TNRC6C: variants seen among roughly 807,000 people sequenced by gnomAD.
The protein encoded by TNRC6C is trinucleotide repeat containing adaptor 6C.
Under a neutral mutation model 153.7 loss-of-function variants are expected in TNRC6C, and 20 were observed. That is an observed-to-expected ratio of 0.13 (90% CI 0.09 to 0.19). The LOEUF (loss-of-function observed/expected upper bound fraction) is 0.19. TNRC6C is among the 10% of genes least tolerant of loss of function. The probability of loss-of-function intolerance (pLI) is 1.00; values close to 1 mark genes in which losing one functional copy is unlikely to be tolerated. For synonymous variants in TNRC6C, 811 were observed against 841.4 expected, an observed-to-expected ratio of 0.96 and a Z score of 0.63; for missense variants, 1,987 against 2,172.0, an observed-to-expected ratio of 0.91 and a Z score of 1.69.
At chr17:77,996,349 G>A (rs896514513) in intron 1 of TNRC6C, among the ~76,000 whole-genome samples, 5 of 152,164 alleles carry the variant, frequency 3.3e-5, no homozygotes, top group East Asian at 3.9e-4. Context: ...GGAAGGAAGT[G>A]AGGTAGATGA....
At chr17:78,064,475 T>C (rs959972151) in intron 3 of TNRC6C, among the ~76,000 whole-genome samples, 3 of 152,048 alleles carry the variant, frequency 2.0e-5, no homozygotes, top group African/African-American at 7.2e-5. Flanking sequence ...GCCCAGGAGT[T>C]GAGGGCAGCC....
At chr17:78,002,380 A>G (rs118131105), upstream of TNRC6C, among the ~76,000 whole-genome samples, 3 of 152,344 alleles carry the variant, frequency 2.0e-5, no homozygotes, top group Non-Finnish European at 2.9e-5. Flanking sequence ...AATCTCATTT[A>G]AAGCCAGGAC....
chr17:78,082,414 G>C (rs536144595), intron 10 of TNRC6C, among the ~76,000 whole-genome samples: 2 of 152,122 alleles, frequency 1.3e-5, no homozygotes, highest in Admixed American at 6.5e-5. Flanking sequence ...TGCATCAGCA[G>C]TTTCTAACAG....
chr17:78,054,819 CTACTG>C (rs1160404283), intron 3 of TNRC6C, among the ~76,000 whole-genome samples: 18 of 152,080 alleles, frequency 1.2e-4, no homozygotes, highest in Non-Finnish European at 2.5e-4. Context: ...CCACTGCAGA[CTACTG>C]TACGCTACCA....
chr17:78,086,974 C>T, exon 13 of TNRC6C: 1 of 1,613,864 alleles, frequency 6.2e-7, no homozygotes, highest in Non-Finnish European at 8.5e-7. Context: ...TCTCTGCACC[C>T]CTCTGCAGGC....
At chr17:78,094,564 G>A (rs766250362) in intron 16 of TNRC6C, among the ~76,000 whole-genome samples, 2 of 151,398 alleles carry the variant, frequency 1.3e-5, no homozygotes, top group African/African-American at 2.4e-5. Flanking sequence ...TCAGCCTCCC[G>A]ATTAGCTGGG....
At chr17:78,053,808 G>C (rs747110193) in intron 3 of TNRC6C, among the ~76,000 whole-genome samples, 23 of 152,074 alleles carry the variant, frequency 1.5e-4, no homozygotes, top group Non-Finnish European at 2.6e-4. Context: ...GAGGTGGAAG[G>C]ATGGCTTGAG....
At chr17:78,003,573 A>G (rs1292766355), upstream of TNRC6C, among the ~76,000 whole-genome samples, 1 of 152,174 alleles carries the variant, frequency 6.6e-6, no homozygotes, top group East Asian at 1.9e-4. Context: ...TAGAAAACAT[A>G]AGAGAAACAA....
At chr17:78,059,830 A>G (rs1374306761) in intron 3 of TNRC6C, among the ~76,000 whole-genome samples, 2 of 150,908 alleles carry the variant, frequency 1.3e-5, no homozygotes, top group Non-Finnish European at 3.0e-5. Flanking sequence ...ATCCTGGACA[A>G]CAGGAGACCC....
intron 1 of TNRC6C, among the ~76,000 whole-genome samples, chr17:77,964,579 C>T (rs2070883553): frequency 6.6e-6 from 1 of 152,118 alleles, no homozygotes; most frequent in Non-Finnish European, 1.5e-5. Flanking sequence ...CTTTTTTATT[C>T]CCAAAGATCA....
chr17:78,070,728 T>C (rs1406876457), intron 5 of TNRC6C, among the ~76,000 whole-genome samples: 1 of 152,204 alleles, frequency 6.6e-6, no homozygotes, highest in African/African-American at 2.4e-5. Flanking sequence ...AAAAGTGTAA[T>C]TTTTAGTAAA....
intron 2 of TNRC6C, among the ~76,000 whole-genome samples, chr17:78,048,099 G>A (rs1179417334): frequency 6.6e-6 from 1 of 152,092 alleles, no homozygotes; most frequent in African/African-American, 2.4e-5. Flanking sequence ...CACTTGTGGG[G>A]CTGAGATTCT....
intron 13 of TNRC6C, among the ~76,000 whole-genome samples, chr17:78,088,136 C>T (rs2073330159): frequency 6.6e-6 from 1 of 152,110 alleles, no homozygotes; most frequent in African/African-American, 2.4e-5. Flanking sequence ...CTGAAAAGAG[C>T]GGTATATTGT....
intron 7 of TNRC6C, among the ~76,000 whole-genome samples, chr17:78,074,620 T>C (rs539253362): frequency 6.6e-6 from 1 of 152,180 alleles, no homozygotes; most frequent in African/African-American, 2.4e-5. Flanking sequence ...TGCACAGTAT[T>C]GTATCCCCCA....
intron 13 of TNRC6C, among the ~76,000 whole-genome samples, chr17:78,088,614 T>C (rs1396580747): frequency 1.3e-5 from 2 of 152,004 alleles, no homozygotes; most frequent in Admixed American, 6.6e-5. Context: ...TTCTCTTTTT[T>C]CTTTTTTTTT....
At chr17:78,091,888 C>G (rs1314124393) in intron 14 of TNRC6C, among the ~76,000 whole-genome samples, 11 of 152,108 alleles carry the variant, frequency 7.2e-5, no homozygotes, top group Non-Finnish European at 1.6e-4. Context: ...TTTTATGTAT[C>G]TATATTCATC....
At chr17:78,040,995 G>A (rs1179356228) in intron 2 of TNRC6C, 2 of 152,050 alleles carry the variant, frequency 1.3e-5, no homozygotes, top group African/African-American at 2.4e-5. Flanking sequence ...TACAGGAGGC[G>A]GCTCTCGCTG....
At position 78,049,509 on chromosome 17, in the gene TNRC6C, T is replaced by C. The variant is rs1433869334; in HGVS notation, c.447T>C (p.Gly149=). 5.6e-6 allele frequency: 9 copies of C among 1,613,838 alleles called. No homozygotes were observed. The highest frequency in any genetic ancestry group is 7.6e-6 in the Non-Finnish European group (9 of 1,179,894). Residue 149 remains glycine (G), a synonymous_variant, in exon 3 of 20, where the codon GGT becomes GGC. Coordinates refer to ENST00000301624, the Ensembl canonical transcript of TNRC6C. This position sits in a 1 kb window ranked among gnomAD's most constrained non-coding sequence, Gnocchi z 4.1. ...ACGGGAACCCAACAGGCACTTTAGGTGCTTGGGGAAACTTGCTGCCACAAG... is the reference window on the plus strand; with the variant it reads ...ACGGGAACCCAACAGGCACTTTAGGCGCTTGGGGAAACTTGCTGCCACAAG...
At chr17:78,031,106 TA>T (rs907737702) in intron 1 of TNRC6C, among the ~76,000 whole-genome samples, 99 of 144,750 alleles carry the variant, frequency 6.8e-4, no homozygotes, top group Admixed American at 1.7e-3. Flanking sequence ...GTCTCACACT[TA>T]AAAAAAAAAA....
Sources: gnomAD v4.1 joint callset for allele counts (sites outside exome capture counted in the v4.1 genomes callset) on GRCh38, gnomAD v4.1.1 for gene constraint, Gnocchi (gnomAD v3.1) non-coding constraint, MANE v1.5 for transcripts, NCBI Gene and HGNC (gene_info 2026-07-23, HGNC 2026-07-21) for gene names.